Variants in PUS7L observed in about 807,000 individuals in gnomAD.
The protein encoded by PUS7L is pseudouridine synthase 7 like.
In PUS7L, 49 loss-of-function variants were observed where a neutral mutation model predicts 51.1. The observed-to-expected ratio is 0.96, with a 90% confidence interval of 0.76 to 1.22. The LOEUF (loss-of-function observed/expected upper bound fraction) is 1.22, where lower values mean the gene tolerates loss of function less well. Ranked by LOEUF, PUS7L falls within the 50% of genes most tolerant of loss-of-function variation. The probability of loss-of-function intolerance (pLI) is 0.00; values close to 1 mark genes in which losing one functional copy is unlikely to be tolerated. For synonymous variants in PUS7L, 277 were observed against 276.2 expected (o/e 1.00, Z -0.03); for missense variants, 828 against 820.6 (o/e 1.01, Z -0.11).
At position 43,721,731 on chromosome 12, in the gene PUS7L, G is replaced by A. The variant is rs1944399444; in HGVS notation, c.*8645C>T. On this transcript the variant is annotated 3_prime_UTR_variant, in exon 9 of 9. Coordinates refer to ENST00000344862, the MANE Select transcript of PUS7L (RefSeq NM_031292.5). ...ATAAAAGACATTTAATATAAGCAGA[G>A]ATGTTCCAGCCAATGGGAATGGGAG... The A allele has an allele frequency of 6.6e-6, 1 of 152,184 alleles. No homozygotes were observed. The highest frequency in any genetic ancestry group is 6.5e-5 in the Admixed American group (1 of 15,274). The allele number at this position is 152,184 out of a possible 1,614,324, so 9.4% of individuals were successfully genotyped here.
chr12:43,719,264 T>C lies in PUS7L; in HGVS notation c.*11112A>G, dbSNP rs1944367727. On this transcript the variant is annotated 3_prime_UTR_variant, in exon 9 of 9. Transcript: ENST00000344862. ...CAAGGAAGACACAAACACAGATATG[T>C]ACAATTCCATTCACATAAAATTCAA... 6.6e-6 allele frequency: 1 copy of C among 152,200 alleles called. No individual in the cohort carries two copies. Among genetic ancestry groups the C allele is most frequent in the African/African-American group, 2.4e-5 (1 of 41,456 alleles). 9.4% of individuals were successfully genotyped at this position (152,200 alleles called of 1,614,324 possible).
intron 6 of PUS7L, among the ~76,000 whole-genome samples, chr12:43,737,494 G>C (rs939358466): frequency 6.6e-6 from 1 of 151,564 alleles, no homozygotes; most frequent in Non-Finnish European, 1.5e-5. Context: ...TTCAATATAA[G>C]TGAAATTCAG....
At chr12:43,734,503 A>G (rs1944635969) in intron 7 of PUS7L, among the ~76,000 whole-genome samples, 8 of 152,208 alleles carry the variant, frequency 5.3e-5, no homozygotes, top group Admixed American at 5.2e-4. Context: ...GTGGGTTTCT[A>G]TTACTTAAAA....
In PUS7L at chr12:43,757,980, G is replaced by A. The variant is rs547714810; in HGVS notation, c.-17+750C>T. On this transcript the variant is annotated intron_variant, in intron 1 of 8. Coordinates refer to ENST00000344862, the MANE Select transcript of PUS7L (RefSeq NM_031292.5). ...GACAAGGACTTAGAATCTATTGGGTGGTCAATGGATGGCTACTGTTAGTGT... is the reference window on the plus strand; with the variant it reads ...GACAAGGACTTAGAATCTATTGGGTAGTCAATGGATGGCTACTGTTAGTGT... 2.3e-4 allele frequency among the ~76,000 whole-genome samples: 35 copies of A among 152,266 alleles called. No individual in the cohort carries two copies. In the South Asian group the frequency reaches 6.4e-3, roughly 28 times the overall value.
chr12:43,751,710 C>A (rs1014458568), intron 2 of PUS7L, among the ~76,000 whole-genome samples: 5 of 152,108 alleles, frequency 3.3e-5, no homozygotes, highest in African/African-American at 1.2e-4. Flanking sequence ...TGGGTATATA[C>A]CCAGTAATGG....
rs1938786015 is a variant in PUS7L, at chr12:43,757,260, T to G, written c.-17+1470A>C. On this transcript the variant is annotated intron_variant, in intron 1 of 8. Transcript: ENST00000344862. ...ATCTCGGCTCACTGCAACCTCCGCC[T>G]CCCGAGTTCGAGCGATTCTCCTACT... Among the ~76,000 whole-genome samples, 4 of 152,158 alleles carry G rather than the reference T, an allele frequency of 2.6e-5. No homozygotes were observed. The South Asian group carries it at 8.3e-4, about 31-fold the overall frequency.
intron 2 of PUS7L, among the ~76,000 whole-genome samples, chr12:43,752,253 G>A (rs1046438662): frequency 6.6e-6 from 1 of 152,202 alleles, no homozygotes; most frequent in Non-Finnish European, 1.5e-5. Flanking sequence ...GGTACTGGCT[G>A]TTGGCATGAA....
At chr12:43,734,465 T>C (rs897852246) in intron 7 of PUS7L, among the ~76,000 whole-genome samples, 4 of 152,238 alleles carry the variant, frequency 2.6e-5, no homozygotes, top group Non-Finnish European at 4.4e-5. Flanking sequence ...TAAATTCCCA[T>C]GTTTCTTTAA....
intron 2 of PUS7L, 38 bp downstream of exon 2, chr12:43,754,298 G>T: frequency 7.4e-7 from 1 of 1,356,942 alleles, no homozygotes; most frequent in Non-Finnish European, 1.0e-6. Context: ...ATTTAGCTAA[G>T]CTTATCCAAG....
At chr12:43,753,735 G>A (rs192418178) in intron 2 of PUS7L, among the ~76,000 whole-genome samples, 178 of 152,204 alleles carry the variant, frequency 1.2e-3, no homozygotes, top group African/African-American at 4.2e-3. Context: ...AACACTGCCT[G>A]GAAATCTGTG....
At chr12:43,740,878 T>TCTC (rs59733916) in intron 5 of PUS7L, 34,677 of 151,984 alleles carry the variant, frequency 0.23, 6,256 homozygotes, top group African/African-American at 0.51. Flanking sequence ...GAAAATAAAG[T>TCTC]CTGCCAACAA....
At position 43,746,249 on chromosome 12, in the gene PUS7L, TA is replaced by T; in HGVS notation, c.1071-12del. 2 of 1,109,100 alleles carry T rather than the reference TA, an allele frequency of 1.8e-6. No homozygotes were observed. The highest frequency in any genetic ancestry group is 2.6e-6 in the Non-Finnish European group (2 of 774,794). 68.7% of individuals were successfully genotyped at this position (1,109,100 alleles called of 1,614,324 possible). A position where few individuals can be genotyped will look rare whatever the true frequency, so the allele number is the denominator to read the frequency against. ...TCAATATTTTTCAACCTGTAAGTAA[TA>T]AATCATATAAACTCAGTTAAATTTT... On this transcript the variant is annotated splice_polypyrimidine_tract_variant and intron_variant, in intron 3 of 8. Transcript: ENST00000344862.
rs149201016 is a variant in PUS7L, at chr12:43,736,510, G to T, written c.1596C>A (p.His532Gln). Residue 532 changes from histidine to glutamine, a missense_variant, in exon 7 of 9, where the codon CAC (histidine) becomes CAA (glutamine). Physicochemically the swap from His to Gln is conservative, Grantham distance 24. Transcript: ENST00000344862. The stretch of plus-strand genomic sequence containing the variant: ...CATTCCAAATTTTGCTGGTATATGC[G>T]TGAACATAGAATATGCGCATGGAAT... ...LPHSMRIFYV[H>Q]AYTSKIWNEA... 1 of 1,614,158 alleles carries T rather than the reference G, an allele frequency of 6.2e-7. No homozygotes were observed. The highest frequency in any genetic ancestry group is 8.5e-7 in the Non-Finnish European group (1 of 1,180,016).
chr12:43,746,181 C>T lies in PUS7L; in HGVS notation c.1128G>A (p.Arg376=). ...CAAGTCTCAGGGAATCATCTACAGA[C>T]CGAATATTAAAGACATTCATTCTTT... is the stretch of plus-strand genomic sequence containing the variant. The part of the protein sequence containing the change: ...EKKRMNVFNI[R]SVDDSLRLGQ... The change falls in exon 4 of 9, where the codon CGG becomes CGA. Residue 376 remains arginine, a synonymous_variant. Coordinates refer to ENST00000344862, the MANE Select transcript of PUS7L (RefSeq NM_031292.5). 1 of 1,515,624 alleles carries T rather than the reference C, an allele frequency of 6.6e-7. No individual in the cohort carries two copies. Among genetic ancestry groups the T allele is most frequent in the Non-Finnish European group, 9.1e-7 (1 of 1,101,856 alleles). The allele number at this position is 1,515,624 out of a possible 1,614,324, so 93.9% of individuals were successfully genotyped here. A position where few individuals can be genotyped will look rare whatever the true frequency, so the allele number is the denominator to read the frequency against.
intron 2 of PUS7L, among the ~76,000 whole-genome samples, 156 bp from the exon 3 acceptor site, chr12:43,748,765 C>A (rs1035308224): frequency 1.3e-5 from 2 of 152,082 alleles, no homozygotes; most frequent in African/African-American, 2.4e-5. Context: ...CACTCTGTCA[C>A]CAGGCTGCAG....
rs560236600 is a variant in PUS7L, at chr12:43,724,499, G to A, written c.*5877C>T. 3.9e-5 allele frequency: 6 copies of A among 152,156 alleles called. No homozygotes were observed. The highest frequency in any genetic ancestry group is 3.3e-4 in the Admixed American group (5 of 15,284). The allele number at this position is 152,156 out of a possible 1,614,324, so 9.4% of individuals were successfully genotyped here. ...AGACATTGTTCTTAGTGTTTCATAA[G>A]ACTTGCTAAAATCAACTATCAGTAA... On this transcript the variant is annotated 3_prime_UTR_variant, in exon 9 of 9. Coordinates refer to ENST00000344862, the MANE Select transcript of PUS7L (RefSeq NM_031292.5).
At position 43,748,629 on chromosome 12, in the gene PUS7L, T is replaced by C; in HGVS notation, c.911-20A>G. ...TAAAAGCTGAAACAAAAAAAAAACT[T>C]AGATCACAAAAAAAGCAGCTACCAT... On this transcript the variant is annotated intron_variant, in intron 2 of 8. Coordinates refer to ENST00000344862, the MANE Select transcript of PUS7L (RefSeq NM_031292.5). The C allele has an allele frequency of 1.9e-6, 3 of 1,559,606 alleles. No homozygotes were observed. Among genetic ancestry groups the C allele is most frequent in the Non-Finnish European group, 2.6e-6 (3 of 1,160,966 alleles).
intron 2 of PUS7L, among the ~76,000 whole-genome samples, chr12:43,751,884 G>C (rs1351791918): frequency 6.6e-6 from 1 of 152,136 alleles, no homozygotes; most frequent in Non-Finnish European, 1.5e-5. Context: ...ACTTTTTAAT[G>C]ATCGCCATTC....
chr12:43,743,073 C>T (rs1230048646), intron 4 of PUS7L, among the ~76,000 whole-genome samples: 1 of 152,194 alleles, frequency 6.6e-6, no homozygotes, highest in Non-Finnish European at 1.5e-5. Flanking sequence ...GGAGCCACTT[C>T]AGCAGTACTC....
Sources: gnomAD v4.1 joint callset for allele counts (sites outside exome capture counted in the v4.1 genomes callset) on GRCh38, gnomAD v4.1.1 for gene constraint, MANE v1.5 for transcripts, NCBI Gene and HGNC (gene_info 2026-07-23, HGNC 2026-07-21) for gene names.